The following SPMIP2 variants were observed in gnomAD, a reference collection of about 807,000 sequenced individuals.
SPMIP2 encodes sperm microtubule inner protein 2, also known as protein SPMIP2.
chr4:158,945,881 C>G, the SPMIP2 span, among the ~76,000 whole-genome samples: 1 of 152,092 alleles, frequency 6.6e-6, no homozygotes, highest in Non-Finnish European at 1.5e-5. Flanking sequence ...ATGAACTTTG[C>G]CTGGACCTAA....
At chr4:158,964,728 GA>G in the SPMIP2 span, among the ~76,000 whole-genome samples, 2 of 152,332 alleles carry the variant, frequency 1.3e-5, no homozygotes, top group East Asian at 1.9e-4. Flanking sequence ...ATTTGTAAAG[GA>G]AAGAGGTTTA....
the SPMIP2 span, among the ~76,000 whole-genome samples, chr4:159,082,163 CAAAA>C: frequency 9.7e-6 from 1 of 102,638 alleles, no homozygotes. Context: ...GCTAAGAATG[CAAAA>C]AAAAAAAAAA....
At chr4:158,902,681 C>A in the SPMIP2 span, among the ~76,000 whole-genome samples, 1 of 152,210 alleles carries the variant, frequency 6.6e-6, no homozygotes, top group South Asian at 2.1e-4. Context: ...AGATGCCCTG[C>A]CCAGAGAGGA....
the SPMIP2 span, among the ~76,000 whole-genome samples, chr4:158,976,429 T>C: frequency 6.6e-6 from 1 of 152,190 alleles, no homozygotes; most frequent in Admixed American, 6.6e-5. Flanking sequence ...GGGTTTTTCA[T>C]AAATAGCTCT....
the SPMIP2 span, among the ~76,000 whole-genome samples, chr4:159,025,738 T>C: frequency 3.9e-5 from 6 of 152,216 alleles, no homozygotes; most frequent in Non-Finnish European, 8.8e-5. Context: ...TAAATTCATA[T>C]TATTTACAGG....
At chr4:158,979,202 C>T in the SPMIP2 span, among the ~76,000 whole-genome samples, 5 of 152,128 alleles carry the variant, frequency 3.3e-5, no homozygotes, top group African/African-American at 7.2e-5. Flanking sequence ...ACCCCTACCC[C>T]GCCACCAAGC....
chr4:158,927,423 C>G, the SPMIP2 span, among the ~76,000 whole-genome samples: 18 of 152,198 alleles, frequency 1.2e-4, no homozygotes, highest in South Asian at 3.7e-3. Context: ...CTTCCTTTTT[C>G]TTTTTTTGGC....
chr4:158,932,360 G>A, the SPMIP2 span, among the ~76,000 whole-genome samples: 1 of 152,114 alleles, frequency 6.6e-6, no homozygotes, highest in East Asian at 1.9e-4. Context: ...CAGCTACTTA[G>A]GGATCAGCTG....
chr4:158,917,132 C>A, the SPMIP2 span, among the ~76,000 whole-genome samples: 61 of 152,360 alleles, frequency 4.0e-4, no homozygotes, highest in Admixed American at 2.1e-3. Flanking sequence ...CGCCTGTAGT[C>A]CCAGCTACTC....
the SPMIP2 span, chr4:158,907,135 T>C: frequency 6.6e-6 from 1 of 152,234 alleles, no homozygotes; most frequent in African/African-American, 2.4e-5. Flanking sequence ...CTTTCTAGCA[T>C]GTTGCAGTTT....
the SPMIP2 span, among the ~76,000 whole-genome samples, chr4:158,974,779 G>A: frequency 6.6e-6 from 1 of 152,176 alleles, no homozygotes; most frequent in African/African-American, 2.4e-5. Flanking sequence ...ACGTGTGCAT[G>A]TGTCTTTATA....
At chr4:158,894,170 C>CTTTTTTTTTTTTTTTTTTTTTTTTTT in the SPMIP2 span, among the ~76,000 whole-genome samples, 1 of 127,476 alleles carries the variant, frequency 7.8e-6, no homozygotes, top group Non-Finnish European at 1.7e-5. Context: ...AAAATGTTTT[C>CTTTTTTTTTTTTTTTTTTTTTTTTTT]TTTTTTTTTT....
chr4:158,927,690 G>A, the SPMIP2 span, among the ~76,000 whole-genome samples: 2 of 152,254 alleles, frequency 1.3e-5, no homozygotes, highest in Non-Finnish European at 2.9e-5. Flanking sequence ...CAGCTTGCAG[G>A]GAGGTGTGGA....
chr4:158,916,030 G>C, the SPMIP2 span, among the ~76,000 whole-genome samples: 3 of 152,232 alleles, frequency 2.0e-5, no homozygotes, highest in Admixed American at 2.0e-4. Flanking sequence ...TGGGCTGCAA[G>C]AGCCCCTTGG....
chr4:159,025,048 T>C, the SPMIP2 span, among the ~76,000 whole-genome samples: 1 of 152,232 alleles, frequency 6.6e-6, no homozygotes, highest in African/African-American at 2.4e-5. Flanking sequence ...GAAGGGTAAG[T>C]ATCTTGTCCA....
chr4:158,898,250 A>G, the SPMIP2 span, among the ~76,000 whole-genome samples: 31 of 152,192 alleles, frequency 2.0e-4, no homozygotes, highest in Middle Eastern at 3.4e-3. Flanking sequence ...GCCTTGTTGT[A>G]TAGTTTGAAG....
At chr4:158,912,594 G>A in the SPMIP2 span, among the ~76,000 whole-genome samples, 1 of 152,192 alleles carries the variant, frequency 6.6e-6, no homozygotes, top group African/African-American at 2.4e-5. Flanking sequence ...GAGGCACTGC[G>A]TTGGAGGCTT....
At chr4:159,059,945 T>C in the SPMIP2 span, among the ~76,000 whole-genome samples, 1 of 152,092 alleles carries the variant, frequency 6.6e-6, no homozygotes, top group Non-Finnish European at 1.5e-5. Context: ...AAGAATGCTT[T>C]CCAGTCATGG....
At chr4:158,979,007 A>C in the SPMIP2 span, among the ~76,000 whole-genome samples, 1 of 152,238 alleles carries the variant, frequency 6.6e-6, no homozygotes, top group East Asian at 1.9e-4. Flanking sequence ...CCAGGGAGAT[A>C]GGAGTTTTAT....
Sources: gnomAD v4.1 joint callset for allele counts (sites outside exome capture counted in the v4.1 genomes callset) on GRCh38, gnomAD v4.1.1 for gene constraint, MANE v1.5 for transcripts, NCBI Gene and HGNC (gene_info 2026-07-23, HGNC 2026-07-21) for gene names.